Variants in EYA4 observed in about 807,000 individuals in gnomAD.
The protein encoded by EYA4 is EYA transcriptional coactivator and phosphatase 4, also known as protein phosphatase EYA4.
A neutral mutation model predicts 87.9 loss-of-function variants in EYA4; 31 were observed. The observed-to-expected ratio is 0.35, with a 90% CI of 0.27 to 0.48. The LOEUF (loss-of-function observed/expected upper bound fraction) is 0.48. Ranked by LOEUF, EYA4 falls within the 20% of genes least tolerant of loss-of-function variation. The pLI, the probability that EYA4 is intolerant of heterozygous loss-of-function variation, is 0.99. For synonymous variants in EYA4, 263 were observed against 270.6 expected (o/e 0.97, Z 0.28); for missense variants, 678 against 761.4 (o/e 0.89, Z 1.29).
chr6:133,496,069 T>C (rs1797625737), intron 13 of EYA4, among the ~76,000 whole-genome samples: 1 of 152,184 alleles, frequency 6.6e-6, no homozygotes, highest in Non-Finnish European at 1.5e-5. Context: ...GTTTAATCCC[T>C]CAGTTCCCTA....
At chr6:133,278,373 C>T (rs183573482) in intron 2 of EYA4, among the ~76,000 whole-genome samples, 1 of 152,302 alleles carries the variant, frequency 6.6e-6, no homozygotes, top group Non-Finnish European at 1.5e-5. Flanking sequence ...TAGCCCAGCA[C>T]TTACCCTACA....
chr6:133,244,514 G>T (rs1284439642), intron 1 of EYA4, among the ~76,000 whole-genome samples: 1 of 151,860 alleles, frequency 6.6e-6, no homozygotes, highest in African/African-American at 2.4e-5. Flanking sequence ...AGGGTTTCTA[G>T]AAGCTGGAGA....
intron 6 of EYA4, among the ~76,000 whole-genome samples, chr6:133,459,016 A>G (rs2128649117): frequency 6.6e-6 from 1 of 152,162 alleles, no homozygotes; most frequent in East Asian, 1.9e-4. Flanking sequence ...TCCAGAAACC[A>G]TTCTGGAAAT....
intron 18 of EYA4, among the ~76,000 whole-genome samples, chr6:133,524,224 C>T (rs1310098066): frequency 6.6e-6 from 1 of 152,062 alleles, no homozygotes; most frequent in East Asian, 1.9e-4. Context: ...AATTTTACAG[C>T]AGAATAAACA....
At chr6:133,284,308 G>C (rs1777860029) in intron 2 of EYA4, among the ~76,000 whole-genome samples, 1 of 152,006 alleles carries the variant, frequency 6.6e-6, no homozygotes, top group East Asian at 1.9e-4. Context: ...AGAGTAACTG[G>C]GACTACAGGT....
At chr6:133,356,831 C>T (rs1357149194) in intron 2 of EYA4, among the ~76,000 whole-genome samples, 1 of 150,690 alleles carries the variant, frequency 6.6e-6, no homozygotes, top group Non-Finnish European at 1.5e-5. Context: ...GAGACGGATT[C>T]TCACTCTGTT....
intron 14 of EYA4, among the ~76,000 whole-genome samples, chr6:133,508,357 C>A (rs1042641740): frequency 2.7e-5 from 4 of 148,600 alleles, no homozygotes; most frequent in Non-Finnish European, 6.0e-5. Context: ...ATATATATAT[C>A]TGGTAATAAC....
At chr6:133,525,553 A>G (rs1800568030) in intron 19 of EYA4, among the ~76,000 whole-genome samples, 1 of 152,188 alleles carries the variant, frequency 6.6e-6, no homozygotes, top group African/African-American at 2.4e-5. Context: ...ATGTATACAC[A>G]TGCTTATATA....
At chr6:133,405,086 G>A (rs1013192119) in intron 3 of EYA4, among the ~76,000 whole-genome samples, 2 of 152,058 alleles carry the variant, frequency 1.3e-5, no homozygotes, top group Non-Finnish European at 2.9e-5. Flanking sequence ...ATGATTCTGA[G>A]GTGCCTTTTC....
At chr6:133,401,790 A>T (rs1788287124) in intron 3 of EYA4, among the ~76,000 whole-genome samples, 1 of 152,152 alleles carries the variant, frequency 6.6e-6, no homozygotes, top group Non-Finnish European at 1.5e-5. Flanking sequence ...AACTCTAGAG[A>T]AATATTAGTT....
rs138601906 is a variant in EYA4 at position 133,459,459 on chromosome 6, A to G, written c.371-1655A>G. ...TTCATGATTCAGCGTCTCTTTGGAA[A>G]AGCCTTCTATTTCACAATATTGATA... On this transcript the variant is annotated intron_variant, in intron 6 of 19. Transcript: ENST00000355286. 2.1e-4 allele frequency among the ~76,000 whole-genome samples: 32 copies of G among 152,254 alleles called. No homozygotes were observed. The East Asian group carries it at 6.2e-3, about 29-fold the overall frequency.
Position 133,290,929 on chromosome 6 carries a change from A to G in EYA4, c.33+16116A>G, listed in dbSNP as rs78700052. The stretch of plus-strand genomic sequence containing the variant: ...GCCTCCCTGAAAACTGTGGTGAGTT[A>G]TTACTATATATAAAGATTAATGAAA... On this transcript the variant is annotated intron_variant, in intron 2 of 19. Coordinates refer to ENST00000355286, the MANE Select transcript of EYA4 (RefSeq NM_004100.5). 1.3e-4 allele frequency among the ~76,000 whole-genome samples: 20 copies of G among 152,320 alleles called. No individual in the cohort carries two copies. In the East Asian group the frequency reaches 3.9e-3, roughly 29 times the overall value.
intron 19 of EYA4, chr6:133,526,006 G>A (rs770951737): frequency 6.9e-5 from 45 of 648,486 alleles, no homozygotes; most frequent in Non-Finnish European, 7.8e-5. Flanking sequence ...GATCCCATGG[G>A]CCCTAAGTAT....
intron 2 of EYA4, among the ~76,000 whole-genome samples, chr6:133,321,232 A>G (rs1781067593): frequency 6.6e-6 from 1 of 152,124 alleles, no homozygotes; most frequent in African/African-American, 2.4e-5. Flanking sequence ...CTAGGTATTG[A>G]TTCAGCTTTA....
At chr6:133,417,562 GTAGT>G (rs997122908) in intron 3 of EYA4, among the ~76,000 whole-genome samples, 2 of 152,046 alleles carry the variant, frequency 1.3e-5, no homozygotes, top group African/African-American at 4.8e-5. Context: ...TTTGTACTTG[GTAGT>G]TAGAATATAT....
chr6:133,417,109 CT>C (rs1462282302), intron 3 of EYA4, among the ~76,000 whole-genome samples: 1 of 152,136 alleles, frequency 6.6e-6, no homozygotes, highest in East Asian at 1.9e-4. Flanking sequence ...GAATGTGAAA[CT>C]TAAAATTAAG....
chr6:133,417,411 G>T (rs1789813832), intron 3 of EYA4, among the ~76,000 whole-genome samples: 1 of 152,134 alleles, frequency 6.6e-6, no homozygotes, highest in Admixed American at 6.5e-5. Context: ...ATACTGTCGT[G>T]TTTCAGACCT....
At chr6:133,469,044 T>C (rs1441911921) in intron 11 of EYA4, among the ~76,000 whole-genome samples, 3 of 152,088 alleles carry the variant, frequency 2.0e-5, no homozygotes, top group African/African-American at 4.8e-5. Flanking sequence ...TTATGACTGA[T>C]ATTATTTCTT....
At chr6:133,518,670 G>A (rs905501070) in intron 17 of EYA4, among the ~76,000 whole-genome samples, 2 of 152,074 alleles carry the variant, frequency 1.3e-5, no homozygotes, top group Non-Finnish European at 2.9e-5. Context: ...AGCCACTTAA[G>A]CAACTCAATT....
Sources: gnomAD v4.1 joint callset for allele counts (sites outside exome capture counted in the v4.1 genomes callset) on GRCh38, gnomAD v4.1.1 for gene constraint, MANE v1.5 for transcripts, NCBI Gene and HGNC (gene_info 2026-07-23, HGNC 2026-07-21) for gene names.